Variants in PKD1L1 observed in about 807,000 individuals in gnomAD.
PKD1L1 encodes polycystin-1-like protein 1.
PKD1L1 carries 236 observed loss-of-function variants against 323.4 expected under a neutral mutation model. That is an observed-to-expected ratio of 0.73 (90% CI 0.66 to 0.81). The LOEUF is 0.81. Ranked by LOEUF, PKD1L1 falls within the 40% of genes least tolerant of loss-of-function variation. PKD1L1 has a pLI of 0.00. For synonymous variants in PKD1L1, 1,344 were observed against 1,335.0 expected, an observed-to-expected ratio of 1.01 and a Z score of -0.15; for missense variants, 3,320 against 3,508.0, an observed-to-expected ratio of 0.95 and a Z score of 1.35.
chr7:47,803,422 T>G (rs1043573295), intron 52 of PKD1L1, 78 bp from the exon 53 acceptor site: 2 of 1,523,958 alleles, frequency 1.3e-6, no homozygotes, highest in African/African-American at 2.7e-5. Context: ...CTGTCAGTCA[T>G]GCATAAAGAG....
Position 47,890,563 on chromosome 7 carries a change from G to C in PKD1L1, c.2654C>G (p.Pro885Arg). ...NSSETRVFLS[P>R]YPDSAFRFVH... ...GTACCTGAACGCCGAGTCAGGGTAG[G>C]GGGACAGGAACACCCGGGTCTCAGA... The change falls in exon 16 of 57, where the codon CCC (proline) becomes CGC (arginine). Residue 885 changes from proline (P) to arginine (R), a missense_variant. Pro to Arg is a moderately radical substitution (Grantham distance 103). Transcript: ENST00000289672. 6.2e-7 allele frequency: 1 copy of C among 1,614,120 alleles called. No homozygotes were observed. The highest frequency in any genetic ancestry group is 8.5e-7 in the Non-Finnish European group (1 of 1,180,038).
rs1161998087 is a variant in PKD1L1, at chr7:47,833,150, C to G, written c.6277G>C (p.Ala2093Pro). The G allele has an allele frequency of 6.2e-7, 1 of 1,612,446 alleles. No individual in the cohort carries two copies. The highest frequency in any genetic ancestry group is 1.3e-5 in the African/African-American group (1 of 74,920). ...CPAPKLQVHG[A>P]DHSRTSLMGK... ...ATCAGAGAAGTCCTGCTGTGGTCAG[C>G]CCCATGAACCTGCAGCTTAGGGGCT... Residue 2093 changes from alanine (A) to proline (P), a missense_variant, in exon 41 of 57, where the codon GCT becomes CCT. By Grantham distance (27) the Ala-to-Pro change is conservative. Transcript: ENST00000289672.
chr7:47,945,215 CT>C (rs1248266909), intron 1 of PKD1L1, among the ~76,000 whole-genome samples: 1 of 152,182 alleles, frequency 6.6e-6, no homozygotes, highest in Non-Finnish European at 1.5e-5. Context: ...AGGTGTTCGC[CT>C]TTGTTCTTTC....
chr7:47,864,294 T>TA (rs1391150176), intron 26 of PKD1L1, among the ~76,000 whole-genome samples: 1 of 152,142 alleles, frequency 6.6e-6, no homozygotes, highest in African/African-American at 2.4e-5. Context: ...AGCATGGCCA[T>TA]AGTTAGATTC....
chr7:47,855,322 G>T, intron 28 of PKD1L1, 57 bp from the exon 29 acceptor site: 1 of 1,343,848 alleles, frequency 7.4e-7, no homozygotes, highest in East Asian at 2.3e-5. Flanking sequence ...ACTTAAGTGA[G>T]AAAAGCAGCA....
Position 47,821,071 on chromosome 7 carries a change from C to T in PKD1L1, c.6965+5G>A. 2 of 1,556,952 alleles carry T rather than the reference C, an allele frequency of 1.3e-6. No homozygotes were observed. Among genetic ancestry groups the T allele is most frequent in the Non-Finnish European group, 8.9e-7 (1 of 1,128,172 alleles). ...AGATCTGGAAGAGTTACCCAAACCT[C>T]CTACCTTGTAAATTCTTTCCGGATA... On this transcript the variant is annotated splice_donor_5th_base_variant and intron_variant, in intron 46 of 56. Transcript: ENST00000289672.
chr7:47,815,509 G>A (rs746330662), intron 46 of PKD1L1, 52 bp from the exon 47 acceptor site: 34 of 1,577,684 alleles, frequency 2.2e-5, no homozygotes, highest in Non-Finnish European at 2.8e-5. Flanking sequence ...CAAGAACAAT[G>A]AAACGTGAGA....
chr7:47,916,913 A>G (rs1258305431), intron 7 of PKD1L1, among the ~76,000 whole-genome samples: 1 of 152,168 alleles, frequency 6.6e-6, no homozygotes, highest in Non-Finnish European at 1.5e-5. Context: ...ATGACAAAAC[A>G]AGGTTCTTTA....
intron 8 of PKD1L1, among the ~76,000 whole-genome samples, chr7:47,913,985 A>G (rs1344780353): frequency 6.6e-6 from 1 of 152,228 alleles, no homozygotes; most frequent in African/African-American, 2.4e-5. Context: ...TAACAAAGCA[A>G]TTAAGAAAGG....
At chr7:47,889,050 G>A (rs1033823207) in intron 16 of PKD1L1, among the ~76,000 whole-genome samples, 4 of 152,136 alleles carry the variant, frequency 2.6e-5, no homozygotes, top group Non-Finnish European at 5.9e-5. Context: ...GCCATGGTGG[G>A]AGAGGCCACA....
chr7:47,829,226 T>C (rs1049383847), intron 44 of PKD1L1, among the ~76,000 whole-genome samples, 199 bp downstream of exon 44: 2 of 152,116 alleles, frequency 1.3e-5, no homozygotes, highest in African/African-American at 4.8e-5. Flanking sequence ...TTCTTTAGGA[T>C]TGGAGTTAAA....
chr7:47,897,875 TC>T (rs1473820908), intron 14 of PKD1L1, 112 bp downstream of exon 14: 5 of 805,294 alleles, frequency 6.2e-6, no homozygotes, highest in Non-Finnish European at 9.3e-6. Flanking sequence ...TTAAACAACC[TC>T]CCTTTTCCTG....
rs146605392 is a variant in PKD1L1, at chr7:47,846,924, C to T, written c.5108G>A (p.Arg1703His). 679 of 1,613,422 alleles carry T rather than the reference C, an allele frequency of 4.2e-4. No homozygotes were observed. The highest frequency in any genetic ancestry group is 3.5e-4 in the Non-Finnish European group (410 of 1,179,786). ...FWDKREWKSE[R>H]FSPQPGTSPE... ...AGAAGTCCCTGGTTGTGGAGAGAAA[C>T]GTTCAGATTTCCACTCTCTCTTGTC... is the stretch of plus-strand genomic sequence containing the variant. Residue 1703 changes from arginine (R) to histidine (H), a missense_variant, in exon 32 of 57, where the codon CGT (arginine) becomes CAT (histidine). Transcript: ENST00000289672.
chr7:47,823,637 G>T lies in PKD1L1; in HGVS notation c.6855-2451C>A, dbSNP rs1179182333. Among the ~76,000 whole-genome samples the T allele has an allele frequency of 2.6e-5, 4 of 152,162 alleles. No homozygotes were observed. The East Asian group carries it at 7.7e-4, about 29-fold the overall frequency. Reference sequence around the variant, plus strand: ...CACGAGGAAACACATAATGTCTGATGTTTCTCTCTCTCTCCTTCTCTCTTT... The same window carrying T: ...CACGAGGAAACACATAATGTCTGATTTTTCTCTCTCTCTCCTTCTCTCTTT... On this transcript the variant is annotated intron_variant, in intron 45 of 56. Coordinates refer to ENST00000289672, the MANE Select transcript of PKD1L1 (RefSeq NM_138295.5).
chr7:47,915,320 G>C (rs1393986373), intron 8 of PKD1L1, 112 bp downstream of exon 8: 1 of 676,218 alleles, frequency 1.5e-6, no homozygotes, highest in Non-Finnish European at 2.7e-6. Flanking sequence ...AGCCCATAGA[G>C]TGTATAGCCA....
At position 47,803,237 on chromosome 7, in the gene PKD1L1, G is replaced by A. The variant is rs756185807; in HGVS notation, c.7935C>T (p.His2645=). The change falls in exon 53 of 57, where the codon CAC becomes CAT. Residue 2645 remains histidine (H), a synonymous_variant. Coordinates refer to ENST00000289672, the MANE Select transcript of PKD1L1 (RefSeq NM_138295.5). ...TMASCSSMMR[H]SLPSIFVAGL... is the part of the protein sequence containing the mutation. The stretch of plus-strand genomic sequence containing the variant: ...CTGCTACAAAGATGCTGGGGAGTGA[G>A]TGGCGCATCATGGAGGAGCAGGATG... The A allele has an allele frequency of 4.3e-6, 7 of 1,614,022 alleles. No homozygotes were observed. In the East Asian group the frequency reaches 8.9e-5, roughly 21 times the overall value.
At chr7:47,854,827 C>T in intron 30 of PKD1L1, 55 bp downstream of exon 30, 1 of 1,567,302 alleles carries the variant, frequency 6.4e-7, no homozygotes, top group Non-Finnish European at 8.7e-7. Context: ...ACAAAACATT[C>T]TTAAGGACAA....
intron 52 of PKD1L1, among the ~76,000 whole-genome samples, chr7:47,803,895 C>G (rs1784719197): frequency 6.6e-6 from 1 of 152,180 alleles, no homozygotes. Context: ...CATAGTACAA[C>G]TGGGGGGCAT....
At chr7:47,782,136 C>G (rs1322234100) in intron 56 of PKD1L1, among the ~76,000 whole-genome samples, 1 of 152,184 alleles carries the variant, frequency 6.6e-6, no homozygotes, top group Non-Finnish European at 1.5e-5. Flanking sequence ...CCCCTCTCCA[C>G]TCTGACCCAC....
Sources: gnomAD v4.1 joint callset for allele counts (sites outside exome capture counted in the v4.1 genomes callset) on GRCh38, gnomAD v4.1.1 for gene constraint, MANE v1.5 for transcripts, NCBI Gene and HGNC (gene_info 2026-07-23, HGNC 2026-07-21) for gene names.